Variants in TMTC1 observed in about 807,000 individuals in gnomAD.
TMTC1 encodes transmembrane O-mannosyltransferase targeting cadherins 1, also known as protein O-mannosyl-transferase TMTC1.
TMTC1 carries 73 observed loss-of-function variants against 104.8 expected under a neutral mutation model. The observed-to-expected ratio is 0.70, with a 90% CI of 0.58 to 0.85. The LOEUF (loss-of-function observed/expected upper bound fraction) is 0.85, where lower values mean the gene tolerates loss of function less well. TMTC1 is among the 40% of genes least tolerant of loss of function. The pLI, the probability that TMTC1 is intolerant of heterozygous loss-of-function variation, is 0.00. For synonymous variants in TMTC1, 434 were observed against 428.7 expected, an observed-to-expected ratio of 1.01 and a Z score of -0.15; for missense variants, 1,035 against 1,096.1, an observed-to-expected ratio of 0.94 and a Z score of 0.79.
intron 1 of TMTC1, among the ~76,000 whole-genome samples, chr12:29,780,495 T>C (rs1221866965): frequency 6.6e-6 from 1 of 152,180 alleles, no homozygotes; most frequent in Non-Finnish European, 1.5e-5. Flanking sequence ...GGTGAGGGGA[T>C]TATGGATTAG....
chr12:29,631,154 G>C (rs1938276910), intron 6 of TMTC1, among the ~76,000 whole-genome samples: 1 of 152,190 alleles, frequency 6.6e-6, no homozygotes, highest in Admixed American at 6.5e-5. Flanking sequence ...TCAGATACAA[G>C]GCCTTTGTAG....
intron 7 of TMTC1, among the ~76,000 whole-genome samples, chr12:29,597,512 C>A (rs903157434): frequency 6.6e-6 from 1 of 151,934 alleles, no homozygotes; most frequent in Non-Finnish European, 1.5e-5. Flanking sequence ...GAGCCTGTCC[C>A]ATGGCAGATG....
chr12:29,620,657 T>C (rs1947107970), intron 6 of TMTC1, among the ~76,000 whole-genome samples: 1 of 152,164 alleles, frequency 6.6e-6, no homozygotes, highest in African/African-American at 2.4e-5. Context: ...CTGCATCAAA[T>C]GAAGTGGTGA....
intron 11 of TMTC1, 109 bp from the exon 12 acceptor site, chr12:29,520,829 C>A: frequency 1.3e-6 from 1 of 794,298 alleles, no homozygotes. Context: ...TTACTAAGCA[C>A]CTAATATACA....
intron 7 of TMTC1, among the ~76,000 whole-genome samples, chr12:29,593,251 T>A (rs952399323): frequency 1.3e-5 from 2 of 152,206 alleles, no homozygotes; most frequent in Non-Finnish European, 2.9e-5. Context: ...AAAGAATTGT[T>A]GTGTGGAATA....
At chr12:29,750,253 C>T (rs1236743082) in intron 5 of TMTC1, among the ~76,000 whole-genome samples, 1 of 152,106 alleles carries the variant, frequency 6.6e-6, no homozygotes, top group Non-Finnish European at 1.5e-5. Flanking sequence ...CAGATCCCTG[C>T]ACATCTTCAC....
chr12:29,717,620 G>A (rs183182310), intron 5 of TMTC1, among the ~76,000 whole-genome samples: 9 of 152,290 alleles, frequency 5.9e-5, no homozygotes, highest in African/African-American at 2.2e-4. Context: ...AATTAGTTTA[G>A]AAAATTCTAA....
At chr12:29,732,677 A>AGCCCT (rs1942575609) in intron 5 of TMTC1, among the ~76,000 whole-genome samples, 1 of 152,194 alleles carries the variant, frequency 6.6e-6, no homozygotes, top group Admixed American at 6.5e-5. Flanking sequence ...ATTTAAAAAA[A>AGCCCT]ATTACAGTCT....
intron 5 of TMTC1, among the ~76,000 whole-genome samples, chr12:29,694,658 G>A (rs769682406): frequency 2.6e-5 from 4 of 152,182 alleles, no homozygotes; most frequent in South Asian, 2.1e-4. Flanking sequence ...TGCAACAAGC[G>A]GCTGGGTGTG....
chr12:29,682,573 AAGGAAAGAATTATTGATGC>A (rs1399097874), intron 5 of TMTC1, among the ~76,000 whole-genome samples: 2 of 152,254 alleles, frequency 1.3e-5, no homozygotes, highest in Admixed American at 1.3e-4. Flanking sequence ...TAGCAATACA[AAGGAAAGAATTATTGATGC>A]AGTCAACAAC....
chr12:29,554,058 T>A lies in TMTC1; in HGVS notation c.1676+2799A>T, dbSNP rs112022481. On this transcript the variant is annotated intron_variant, in intron 10 of 17. Coordinates refer to ENST00000539277, the MANE Select transcript of TMTC1 (RefSeq NM_001193451.2). ...ATAATCCAGGTACCCCAAAAGACAT[T>A]TACAGGATTTTATATAACCAGTACG... is the stretch of plus-strand genomic sequence containing the variant. 6.3e-3 allele frequency among the ~76,000 whole-genome samples: 959 copies of A among 152,274 alleles called. 7 individuals carry two copies. The highest frequency in any genetic ancestry group is 0.022 in the African/African-American group (921 of 41,552).
At chr12:29,528,505 G>C (rs550810683) in intron 11 of TMTC1, among the ~76,000 whole-genome samples, 2 of 152,204 alleles carry the variant, frequency 1.3e-5, no homozygotes, top group East Asian at 3.9e-4. Context: ...ATAAAACACA[G>C]TCAACATCCC....
intron 6 of TMTC1, among the ~76,000 whole-genome samples, chr12:29,606,978 C>A (rs1193620598): frequency 1.3e-5 from 2 of 152,038 alleles, no homozygotes; most frequent in South Asian, 2.1e-4. Context: ...TTCCTGCCCC[C>A]CCCCCTCACT....
chr12:29,514,695 G>T, intron 15 of TMTC1, 91 bp from the exon 16 acceptor site: 1 of 1,355,466 alleles, frequency 7.4e-7, no homozygotes, highest in Non-Finnish European at 1.0e-6. Context: ...TTGTTCCTAT[G>T]TGTCAGCAGG....
At chr12:29,599,960 A>ATATATATGTGTGTG (rs1565699648) in intron 7 of TMTC1, among the ~76,000 whole-genome samples, 1 of 133,272 alleles carries the variant, frequency 7.5e-6, no homozygotes, top group African/African-American at 3.5e-5. Context: ...ATATATGTGT[A>ATATATATGTGTGTG]TATATATATG....
intron 11 of TMTC1, among the ~76,000 whole-genome samples, chr12:29,531,848 T>G (rs935957116): frequency 3.3e-5 from 5 of 152,176 alleles, no homozygotes; most frequent in Admixed American, 2.6e-4. Flanking sequence ...TTATCTCTTC[T>G]TCCTTTCCAC....
At chr12:29,579,100 A>G (rs1565684339) in intron 8 of TMTC1, among the ~76,000 whole-genome samples, 2 of 152,180 alleles carry the variant, frequency 1.3e-5, no homozygotes, top group Non-Finnish European at 2.9e-5. Context: ...TAAATCGTTG[A>G]GCAGATGTTT....
At chr12:29,726,032 A>AGT (rs1942380154) in intron 5 of TMTC1, among the ~76,000 whole-genome samples, 1 of 152,218 alleles carries the variant, frequency 6.6e-6, no homozygotes, top group Non-Finnish European at 1.5e-5. Flanking sequence ...TAAGCCCAGG[A>AGT]TTCCACAGCC....
chr12:29,693,674 C>T (rs930204572), intron 5 of TMTC1, among the ~76,000 whole-genome samples: 3 of 152,084 alleles, frequency 2.0e-5, no homozygotes, highest in African/African-American at 7.2e-5. Context: ...AATTATACCT[C>T]AATAAGGCTT....
Sources: allele counts gnomAD v4.1 joint callset (sites outside exome capture counted in the v4.1 genomes callset), GRCh38; gene constraint gnomAD v4.1.1; transcripts MANE v1.5; gene names NCBI Gene and HGNC (gene_info 2026-07-23, HGNC 2026-07-21).